Variants in UACA observed in about 807,000 individuals in gnomAD.
UACA encodes the protein nuclear membrane binding protein.
UACA carries 112 observed loss-of-function variants against 160.5 expected under a neutral mutation model. That is an observed-to-expected ratio of 0.70 (90% CI 0.60 to 0.82). UACA has a LOEUF of 0.82. Among genes scored for constraint, UACA ranks in the 40% least tolerant of loss-of-function variants. The pLI is 0.00. For missense variants in UACA, 1,574 were observed against 1,614.6 expected (o/e 0.97, Z 0.43); for synonymous variants, 557 against 568.4 (o/e 0.98, Z 0.29).
intron 1 of UACA, among the ~76,000 whole-genome samples, chr15:70,705,660 C>T (rs1024735430): frequency 1.5e-4 from 23 of 152,042 alleles, no homozygotes; most frequent in African/African-American, 5.6e-4. Flanking sequence ...TCACAGGATG[C>T]AAACAGAAAG....
chr15:70,777,632 A>C, the UACA span, among the ~76,000 whole-genome samples: 2 of 152,196 alleles, frequency 1.3e-5, no homozygotes, highest in Non-Finnish European at 2.9e-5. Context: ...GCTGCTAATC[A>C]GTGTGCTGGG....
chr15:70,735,682 G>T lies in UACA; in HGVS notation c.78+27648C>A, dbSNP rs529777663. ...CAACTAGAGAAAACAATGTATTTTT[G>T]TTTGTTTGTTTTTGAGACAGGGTCT... On this transcript the variant is annotated intron_variant, in intron 1 of 18. Transcript: ENST00000322954. Among the ~76,000 whole-genome samples the T allele has an allele frequency of 4.8e-3, 687 of 141,696 alleles. 3 individuals carry two copies. The highest frequency in any genetic ancestry group is 0.019 in the African/African-American group (668 of 36,108). 93.0% of individuals were successfully genotyped at this position (141,696 alleles called of 152,430 possible). A position where few individuals can be genotyped will look rare whatever the true frequency, so the allele number is the denominator to read the frequency against.
chr15:70,728,069 G>C (rs1899199793), intron 1 of UACA, among the ~76,000 whole-genome samples: 1 of 152,072 alleles, frequency 6.6e-6, no homozygotes, highest in Non-Finnish European at 1.5e-5. Context: ...CAGAAATAAA[G>C]CCACACTCCT....
chr15:70,769,944 CA>C, the UACA span, among the ~76,000 whole-genome samples: 1 of 152,188 alleles, frequency 6.6e-6, no homozygotes, highest in Non-Finnish European at 1.5e-5. Context: ...TTGCCATGAG[CA>C]GAGATTGCGC....
intron 17 of UACA, among the ~76,000 whole-genome samples, chr15:70,662,401 A>G (rs1321243258): frequency 6.6e-6 from 1 of 152,256 alleles, no homozygotes; most frequent in Non-Finnish European, 1.5e-5. Flanking sequence ...GCTCATGGGT[A>G]GGAAGAATCA....
chr15:70,672,069 T>A, intron 13 of UACA, 68 bp from the exon 14 acceptor site: 1 of 1,441,380 alleles, frequency 6.9e-7, no homozygotes, highest in Non-Finnish European at 9.5e-7. Context: ...TGTATCTATT[T>A]TAGCTCTAAA....
At chr15:70,728,857 C>T (rs542144855) in intron 1 of UACA, among the ~76,000 whole-genome samples, 77 of 151,952 alleles carry the variant, frequency 5.1e-4, no homozygotes, top group African/African-American at 1.8e-3. Flanking sequence ...AACAAATAAC[C>T]CTATTAAAAA....
chr15:70,668,370 T>C lies in UACA; in HGVS notation c.2314A>G (p.Thr772Ala), dbSNP rs143107777. 9.3e-5 allele frequency: 149 copies of C among 1,607,680 alleles called. No homozygotes were observed. The African/African-American group carries it at 1.7e-3, about 18-fold the overall frequency. The change falls in exon 16 of 19, where the codon ACA (threonine) becomes GCA (alanine). Residue 772 changes from threonine to alanine, a missense_variant. Thr to Ala is a moderately conservative substitution (Grantham distance 58). Transcript: ENST00000322954. ...DDLNRKLLDVTQKYTEKKLEM... is the reference protein window; with the variant it reads ...DDLNRKLLDVAQKYTEKKLEM... ...AACTTCTTTTCTGTATATTTTTGTG[T>C]TACATCTAAAAGCTTTCTATTAAGA... is the stretch of plus-strand genomic sequence containing the variant.
intron 1 of UACA, among the ~76,000 whole-genome samples, chr15:70,745,448 A>G (rs1899678159): frequency 6.7e-5 from 1 of 14,942 alleles, no homozygotes; most frequent in South Asian, 4.6e-3. Flanking sequence ...AAGAAAAAGA[A>G]AAAAAAAAAA....
chr15:70,777,551 A>C, the UACA span, among the ~76,000 whole-genome samples: 1 of 152,140 alleles, frequency 6.6e-6, no homozygotes, highest in Admixed American at 6.5e-5. Flanking sequence ...AAAAAGGAAA[A>C]CCAAAGGGTA....
chr15:70,756,780 G>A (rs150335390), intron 1 of UACA, among the ~76,000 whole-genome samples: 119 of 152,272 alleles, frequency 7.8e-4, no homozygotes, highest in Non-Finnish European at 1.4e-3. Flanking sequence ...GGCTGAGCCA[G>A]GAGAATCACT....
chr15:70,673,937 T>C (rs1248301251), intron 13 of UACA, among the ~76,000 whole-genome samples: 2 of 152,108 alleles, frequency 1.3e-5, no homozygotes, highest in Admixed American at 6.5e-5. Context: ...TCTCGGCTCA[T>C]TGCAGCCTCC....
chr15:70,688,654 C>T (rs1475933977), intron 5 of UACA, among the ~76,000 whole-genome samples: 7 of 151,420 alleles, frequency 4.6e-5, no homozygotes, highest in Non-Finnish European at 1.0e-4. Flanking sequence ...AATTAGCGAC[C>T]CTTTACGTCC....
rs764373773 is a variant in UACA, at chr15:70,668,822, G to A, written c.1862C>T (p.Ala621Val). 55 of 1,613,584 alleles carry A rather than the reference G, an allele frequency of 3.4e-5. No individual in the cohort carries two copies. Among genetic ancestry groups the A allele is most frequent in the East Asian group, 2.2e-4 (10 of 44,882 alleles). The change falls in exon 16 of 19, where the codon GCG (alanine) becomes GTG (valine). Residue 621 changes from alanine (A) to valine (V), a missense_variant. Ala to Val is a moderately conservative substitution (Grantham distance 64, BLOSUM62 0). Transcript: ENST00000322954. ...AGCTGGAATGGAAAGGGCCAACTTC[G>A]CTGACAATTCTTTTGCCTGGCCTTC... ...EMEGQAKELSAKLALSIPAEK... is the reference protein window; with the variant it reads ...EMEGQAKELSVKLALSIPAEK...
At chr15:70,775,222 TG>T in the UACA span, among the ~76,000 whole-genome samples, 1 of 152,116 alleles carries the variant, frequency 6.6e-6, no homozygotes, top group East Asian at 1.9e-4. Flanking sequence ...AGGTGGGAAT[TG>T]GGGGGCTAAT....
chr15:70,699,721 G>GA, intron 1 of UACA, 61 bp from the exon 2 acceptor site: 1 of 1,564,928 alleles, frequency 6.4e-7, no homozygotes, highest in Non-Finnish European at 8.6e-7. Context: ...TTTTTCTAAA[G>GA]AAAGAAAAAA....
At chr15:70,702,076 T>TCGTCTTCAGGATC in intron 1 of UACA, 1 of 1,370,038 alleles carries the variant, frequency 7.3e-7, no homozygotes, top group South Asian at 1.9e-5. Flanking sequence ...GATATTTTCT[T>TCGTCTTCAGGATC]CGTCTTCAGG....
In UACA at chr15:70,668,868, C is replaced by T. The variant is rs1381941641; in HGVS notation, c.1816G>A (p.Gly606Arg). Reference sequence around the variant, plus strand: ...CCTTCCATCTCTGTGACCTTTCTTCCTTTCTTCTCTCGCTCCATTTCACAC... The same window carrying T: ...CCTTCCATCTCTGTGACCTTTCTTCTTTTCTTCTCTCGCTCCATTTCACAC... ...SMCEMEREKK[G>R]RKVTEMEGQA... Residue 606 changes from glycine (G) to arginine (R), a missense_variant, in exon 16 of 19, where the codon GGA becomes AGA. Transcript: ENST00000322954. 1 of 1,613,728 alleles carries T rather than the reference C, an allele frequency of 6.2e-7. No individual in the cohort carries two copies. Among genetic ancestry groups the T allele is most frequent in the Non-Finnish European group, 8.5e-7 (1 of 1,179,974 alleles).
the UACA span, among the ~76,000 whole-genome samples, chr15:70,771,723 C>T: frequency 1.3e-5 from 2 of 152,150 alleles, no homozygotes; most frequent in South Asian, 4.1e-4. Flanking sequence ...TGAGGAAAGT[C>T]TTTCTGGAAA....
Sources: allele counts gnomAD v4.1 joint callset (sites outside exome capture counted in the v4.1 genomes callset), GRCh38; gene constraint gnomAD v4.1.1; transcripts MANE v1.5; gene names NCBI Gene and HGNC (gene_info 2026-07-23, HGNC 2026-07-21).